The following PRELP variants were observed in gnomAD, a reference collection of about 807,000 sequenced individuals.
PRELP encodes the protein prolargin.
A neutral mutation model predicts 22.8 loss-of-function variants in PRELP; 16 were observed. The ratio of observed to expected loss-of-function variants is 0.70; its 90% CI spans 0.47 to 1.06. The LOEUF is 1.06. PRELP is among the 50% of genes least tolerant of loss of function. The pLI is 0.00. For missense variants in PRELP, 434 were observed against 485.2 expected, an observed-to-expected ratio of 0.89 and a Z score of 0.99; for synonymous variants, 233 against 211.4, an observed-to-expected ratio of 1.10 and a Z score of -0.89.
In PRELP at chr1:203,482,909, C is replaced by T. The variant is rs372369839; in HGVS notation, c.-16-260C>T. ...CCGCACCTGGCCACCAATGTGCTTT[C>T]TACCAGCATGTCCCCCGCCCTCTTC... On this transcript the variant is annotated intron_variant, in intron 1 of 2. Coordinates refer to ENST00000343110, the MANE Select transcript of PRELP (RefSeq NM_002725.4). 9.2e-5 allele frequency among the ~76,000 whole-genome samples: 14 copies of T among 152,158 alleles called. 2 individuals carry two copies. Among genetic ancestry groups the T allele is most frequent in the Admixed American group, 5.9e-4 (9 of 15,290 alleles).
rs1229218953 is a variant in PRELP, at chr1:203,483,439, T to G, written c.255T>G (p.Ser85=). The change falls in exon 2 of 3, where the codon TCT becomes TCG. Residue 85 remains serine, a synonymous_variant. Transcript: ENST00000343110. This position sits in a 1 kb window ranked among gnomAD's most constrained non-coding sequence, Gnocchi z 4.4. ...RECYCPPDFP[S]ALYCDSRNLR... Reference sequence around the variant, plus strand: ...GCTACTGCCCCCCTGATTTCCCATCTGCCCTCTACTGTGATAGCCGCAACC... The same window carrying G: ...GCTACTGCCCCCCTGATTTCCCATCGGCCCTCTACTGTGATAGCCGCAACC... 1 of 1,614,156 alleles carries G rather than the reference T, an allele frequency of 6.2e-7. No individual in the cohort carries two copies. Among genetic ancestry groups the G allele is most frequent in the Non-Finnish European group, 8.5e-7 (1 of 1,180,028 alleles).
rs895334532 is a variant in PRELP at position 203,490,042 on chromosome 1, T to C, written c.*3161T>C. The C allele has an allele frequency of 5.3e-5, 8 of 152,132 alleles. No homozygotes were observed. Among genetic ancestry groups the C allele is most frequent in the African/African-American group, 1.9e-4 (8 of 41,422 alleles). 9.4% of individuals were successfully genotyped at this position (152,132 alleles called of 1,614,324 possible). A position where few individuals can be genotyped will look rare whatever the true frequency, so the allele number is the denominator to read the frequency against. On this transcript the variant is annotated 3_prime_UTR_variant, in exon 3 of 3. Coordinates refer to ENST00000343110, the MANE Select transcript of PRELP (RefSeq NM_002725.4). ...CCACCATGCCCAGCCCCAAAGCCTC[T>C]TAATTGCTCTAACAAGATGAGTGGG...
Position 203,483,868 on chromosome 1 carries a change from G to T in PRELP, c.684G>T (p.Leu228=). 2 of 1,614,164 alleles carry T rather than the reference G, an allele frequency of 1.2e-6. 1 individual carries two copies. The highest frequency in any genetic ancestry group is 2.2e-5 in the South Asian group (2 of 91,084). ...HGLKNLMQLN[L]AHNILRKMPP... ...TCAAGAACCTCATGCAGCTCAACCT[G>T]GCCCACAACATCCTGAGAAAGATGC... Residue 228 remains leucine, a synonymous_variant, in exon 2 of 3, where the codon CTG becomes CTT. Coordinates refer to ENST00000343110, the MANE Select transcript of PRELP (RefSeq NM_002725.4). The surrounding 1 kb of genome is among the most constrained non-coding windows in gnomAD (Gnocchi z 4.4).
chr1:203,481,133 T>C (rs1242393835), intron 1 of PRELP, among the ~76,000 whole-genome samples: 1 of 151,992 alleles, frequency 6.6e-6, no homozygotes, highest in Non-Finnish European at 1.5e-5. Context: ...TGAAGGGATA[T>C]AGAAAAACTC....
At chr1:203,480,545 C>T (rs1041207232) in intron 1 of PRELP, among the ~76,000 whole-genome samples, 5 of 152,342 alleles carry the variant, frequency 3.3e-5, no homozygotes, top group Admixed American at 2.0e-4. Flanking sequence ...AATGGCTGTG[C>T]TGTCAGCTGT....
chr1:203,484,273 T>G (rs1026332302), intron 2 of PRELP, 116 bp downstream of exon 2: 3 of 1,423,078 alleles, frequency 2.1e-6, no homozygotes, highest in Non-Finnish European at 2.8e-6. Context: ...ACTTTGGCAC[T>G]GGACTTCAAT....
chr1:203,480,792 G>A (rs916288136), intron 1 of PRELP, among the ~76,000 whole-genome samples: 1 of 152,236 alleles, frequency 6.6e-6, no homozygotes, highest in Non-Finnish European at 1.5e-5. Flanking sequence ...GAGCAGCTTG[G>A]CTAGGCCCAG....
At chr1:203,485,154 T>G (rs1661070560) in intron 2 of PRELP, among the ~76,000 whole-genome samples, 1 of 149,400 alleles carries the variant, frequency 6.7e-6, no homozygotes, top group South Asian at 2.1e-4. Context: ...GGAGGATTTT[T>G]TTTTTAATCT....
intron 1 of PRELP, among the ~76,000 whole-genome samples, chr1:203,480,603 AT>A (rs1354292303): frequency 6.6e-6 from 1 of 152,218 alleles, no homozygotes; most frequent in Non-Finnish European, 1.5e-5. Flanking sequence ...AGGAAGGGGC[AT>A]CACCCCATGA....
chr1:203,484,659 G>C (rs886825554), intron 2 of PRELP, among the ~76,000 whole-genome samples: 1 of 152,214 alleles, frequency 6.6e-6, no homozygotes, highest in Non-Finnish European at 1.5e-5. Context: ...CCTGAGCCTG[G>C]GTTTTGATTC....
At chr1:203,481,339 T>C (rs1222571508) in intron 1 of PRELP, among the ~76,000 whole-genome samples, 1 of 152,244 alleles carries the variant, frequency 6.6e-6, no homozygotes, top group Non-Finnish European at 1.5e-5. Flanking sequence ...GCAAGATGAC[T>C]GTTCTGTTTT....
rs1470818476 is a variant in PRELP, at chr1:203,490,364, T to A, written c.*3483T>A. On this transcript the variant is annotated 3_prime_UTR_variant, in exon 3 of 3. Transcript: ENST00000343110. ...CTGCCCACCCACAGACAAAAAAATA[T>A]ATATATTCCTAAAGTCGGACCAGAA... is the stretch of plus-strand genomic sequence containing the variant. 6.6e-6 allele frequency: 1 copy of A among 152,064 alleles called. No individual in the cohort carries two copies. The highest frequency in any genetic ancestry group is 1.9e-4 in the East Asian group (1 of 5,192). The allele number at this position is 152,064 out of a possible 1,614,324, so 9.4% of individuals were successfully genotyped here.
chr1:203,480,144 G>A (rs1287035146), intron 1 of PRELP, among the ~76,000 whole-genome samples: 3 of 152,194 alleles, frequency 2.0e-5, no homozygotes, highest in African/African-American at 4.8e-5. Flanking sequence ...AATGTGGAGA[G>A]TGAATGTTGG....
At chr1:203,479,616 T>A (rs1660965544) in intron 1 of PRELP, among the ~76,000 whole-genome samples, 1 of 143,804 alleles carries the variant, frequency 7.0e-6, no homozygotes, top group African/African-American at 2.6e-5. Flanking sequence ...GATGGAAGGA[T>A]CACCTGAGCC....
rs28602481 is a variant in PRELP, at chr1:203,482,089, G to C, written c.-16-1080G>C. 3.9e-5 allele frequency among the ~76,000 whole-genome samples: 6 copies of C among 152,174 alleles called. 1 individual carries two copies. The highest frequency in any genetic ancestry group is 1.4e-4 in the African/African-American group (6 of 41,502). ...GAAAGCAGAGTTGGAAAACCACTAG[G>C]TTATAGGATCTTTAAGGACCTTTCT... is the stretch of plus-strand genomic sequence containing the variant. On this transcript the variant is annotated intron_variant, in intron 1 of 2. Transcript: ENST00000343110.
Position 203,489,388 on chromosome 1 carries a change from C to T in PRELP, c.*2507C>T, listed in dbSNP as rs1032286269. On this transcript the variant is annotated 3_prime_UTR_variant, in exon 3 of 3. Coordinates refer to ENST00000343110, the MANE Select transcript of PRELP (RefSeq NM_002725.4). ...TTTACAGGCTCCCCTCCTCCAAACA[C>T]ACACAGAATGGGCTGGTTTCTTTCA... The T allele has an allele frequency of 6.6e-6, 1 of 152,248 alleles. No homozygotes were observed. The highest frequency in any genetic ancestry group is 1.5e-5 in the Non-Finnish European group (1 of 68,052). 9.4% of individuals were successfully genotyped at this position (152,248 alleles called of 1,614,324 possible). A position where few individuals can be genotyped will look rare whatever the true frequency, so the allele number is the denominator to read the frequency against.
At chr1:203,477,516 CCTGTTAAT>C (rs1414073354) in intron 1 of PRELP, among the ~76,000 whole-genome samples, 2 of 152,278 alleles carry the variant, frequency 1.3e-5, no homozygotes, top group African/African-American at 4.8e-5. Context: ...TTTCCCCTCA[CCTGTTAAT>C]CTGCCTGCCC....
chr1:203,482,871 C>T (rs1379926057), intron 1 of PRELP, among the ~76,000 whole-genome samples: 1 of 152,084 alleles, frequency 6.6e-6, no homozygotes, highest in Non-Finnish European at 1.5e-5. Flanking sequence ...TGCTGGATTA[C>T]AGGTGTGAGC....
chr1:203,486,495 T>C (rs1347384708), intron 2 of PRELP, among the ~76,000 whole-genome samples: 1 of 152,238 alleles, frequency 6.6e-6, no homozygotes, highest in African/African-American at 2.4e-5. Flanking sequence ...GCAATAACAG[T>C]TGTTGATCAA....
Sources: allele counts gnomAD v4.1 joint callset (sites outside exome capture counted in the v4.1 genomes callset), GRCh38; gene constraint gnomAD v4.1.1; non-coding constraint Gnocchi (gnomAD v3.1); transcripts MANE v1.5; gene names NCBI Gene and HGNC (gene_info 2026-07-23, HGNC 2026-07-21).